The following LOC128092252 variants were observed in gnomAD, a reference collection of about 807,000 sequenced individuals.
At chr15:50,652,302 C>T in the LOC128092252 span, among the ~76,000 whole-genome samples, 1 of 118,926 alleles carries the variant, frequency 8.4e-6, no homozygotes, top group Non-Finnish European at 1.6e-5. Context: ...CACTGCACTG[C>T]AGCCTGGCTG....
chr15:50,673,219 C>T, the LOC128092252 span, among the ~76,000 whole-genome samples: 1 of 152,170 alleles, frequency 6.6e-6, no homozygotes, highest in Non-Finnish European at 1.5e-5. Context: ...GGTCCACAAG[C>T]TCCATTCACA....
At chr15:50,683,765 G>A in the LOC128092252 span, among the ~76,000 whole-genome samples, 1 of 151,954 alleles carries the variant, frequency 6.6e-6, no homozygotes, top group Non-Finnish European at 1.5e-5. Flanking sequence ...ACAAGTGCAA[G>A]ACTCCTTCTC....
chr15:50,677,965 C>T, the LOC128092252 span, among the ~76,000 whole-genome samples: 21 of 151,872 alleles, frequency 1.4e-4, no homozygotes, highest in South Asian at 8.3e-4. Context: ...ATTGGCTGGG[C>T]GCAGTGGCTC....
the LOC128092252 span, among the ~76,000 whole-genome samples, chr15:50,658,076 C>A: frequency 4.0e-5 from 6 of 150,592 alleles, no homozygotes; most frequent in Non-Finnish European, 8.8e-5. Context: ...GCAATCTCAG[C>A]TCACTGCAAG....
chr15:50,671,511 T>C, the LOC128092252 span, among the ~76,000 whole-genome samples: 4 of 152,112 alleles, frequency 2.6e-5, no homozygotes, highest in South Asian at 2.1e-4. Context: ...ACCTGAAAAA[T>C]TCCTATTGCA....
chr15:50,679,538 A>ATATATATATATATTTT, the LOC128092252 span, among the ~76,000 whole-genome samples: 1 of 43,904 alleles, frequency 2.3e-5, no homozygotes, highest in African/African-American at 1.1e-4. Flanking sequence ...ATATATATAT[A>ATATATATATATATTTT]TTTTTTTTTT....
the LOC128092252 span, among the ~76,000 whole-genome samples, chr15:50,665,357 G>A: frequency 6.6e-6 from 1 of 150,520 alleles, no homozygotes; most frequent in Non-Finnish European, 1.5e-5. Context: ...TCATGCCACT[G>A]CACTCCAGCC....
the LOC128092252 span, among the ~76,000 whole-genome samples, chr15:50,667,207 C>A: frequency 2.6e-5 from 4 of 152,112 alleles, no homozygotes; most frequent in African/African-American, 9.7e-5. Flanking sequence ...ATGCTCTTGG[C>A]CCCCTAGAAG....
chr15:50,653,472 C>T, the LOC128092252 span, among the ~76,000 whole-genome samples: 1 of 151,870 alleles, frequency 6.6e-6, no homozygotes, highest in African/African-American at 2.4e-5. Flanking sequence ...GGTGTGGTCT[C>T]GGAGATTCCT....
At chr15:50,655,360 G>T in the LOC128092252 span, among the ~76,000 whole-genome samples, 14 of 150,578 alleles carry the variant, frequency 9.3e-5, no homozygotes, top group Non-Finnish European at 1.5e-4. Flanking sequence ...TTGAACCTGG[G>T]AGGCAGAGGT....
the LOC128092252 span, among the ~76,000 whole-genome samples, chr15:50,678,345 G>T: frequency 6.6e-6 from 1 of 151,032 alleles, no homozygotes; most frequent in Non-Finnish European, 1.5e-5. Flanking sequence ...CCTGCCAAGG[G>T]TGACCAACAT....
the LOC128092252 span, among the ~76,000 whole-genome samples, chr15:50,649,827 A>G: frequency 2.0e-5 from 3 of 152,150 alleles, no homozygotes; most frequent in Non-Finnish European, 4.4e-5. Flanking sequence ...TGTGAGGTAG[A>G]AAACAAAAAG....
chr15:50,649,189 A>G, the LOC128092252 span, among the ~76,000 whole-genome samples: 13 of 152,278 alleles, frequency 8.5e-5, no homozygotes, highest in East Asian at 2.5e-3. Flanking sequence ...GGGTAATCCC[A>G]ACACTGTGGG....
At chr15:50,651,415 G>A in the LOC128092252 span, among the ~76,000 whole-genome samples, 1 of 152,180 alleles carries the variant, frequency 6.6e-6, no homozygotes, top group Non-Finnish European at 1.5e-5. Context: ...GGAAGCCGAG[G>A]CGGGTGGATC....
the LOC128092252 span, among the ~76,000 whole-genome samples, chr15:50,663,251 C>T: frequency 1.3e-5 from 2 of 152,034 alleles, no homozygotes; most frequent in East Asian, 3.9e-4. Flanking sequence ...GCCTCAGCCT[C>T]CCGGGTAGCT....
the LOC128092252 span, among the ~76,000 whole-genome samples, chr15:50,673,788 T>C: frequency 2.0e-5 from 3 of 152,146 alleles, no homozygotes; most frequent in African/African-American, 2.4e-5. Context: ...CTCTGGTAGA[T>C]ACCCAGTAGT....
chr15:50,658,900 A>G, the LOC128092252 span, among the ~76,000 whole-genome samples: 455 of 152,352 alleles, frequency 3.0e-3, 3 homozygotes, highest in African/African-American at 0.011. Flanking sequence ...GGCTGCAACA[A>G]TTAAGAACAA....
chr15:50,683,947 G>T, the LOC128092252 span, among the ~76,000 whole-genome samples: 1 of 150,230 alleles, frequency 6.7e-6, no homozygotes, highest in Non-Finnish European at 1.5e-5. Context: ...TGCAACCTCC[G>T]CCTCCAAGTT....
At chr15:50,656,102 T>C in the LOC128092252 span, among the ~76,000 whole-genome samples, 1 of 151,900 alleles carries the variant, frequency 6.6e-6, no homozygotes, top group South Asian at 2.1e-4. Context: ...AAAAGAAATA[T>C]ATTTTCAGAT....
Sources: allele counts gnomAD v4.1 joint callset (sites outside exome capture counted in the v4.1 genomes callset), GRCh38; gene constraint gnomAD v4.1.1; transcripts MANE v1.5.